The following NSL1 variants were observed in gnomAD, a reference collection of about 807,000 sequenced individuals.
The protein encoded by NSL1 is NSL1 component of MIS12 kinetochore complex, also known as kinetochore-associated protein NSL1 homolog.
A neutral mutation model predicts 25.4 loss-of-function variants in NSL1; 11 were observed. That is an observed-to-expected ratio of 0.43 (90% CI 0.27 to 0.72). The LOEUF (loss-of-function observed/expected upper bound fraction) is 0.72. NSL1 is among the 30% of genes least tolerant of loss of function. The pLI is 0.19. For synonymous variants in NSL1, 118 were observed against 120.6 expected (o/e 0.98, Z 0.14); for missense variants, 330 against 342.7 (o/e 0.96, Z 0.29).
At chr1:212,756,439 T>C (rs1193641190) in intron 4 of NSL1, among the ~76,000 whole-genome samples, 2 of 152,218 alleles carry the variant, frequency 1.3e-5, no homozygotes, top group South Asian at 2.1e-4. Context: ...GACAATGTAA[T>C]ATGTAATTCA....
intron 4 of NSL1, among the ~76,000 whole-genome samples, chr1:212,770,078 A>G (rs1437605355): frequency 6.6e-6 from 1 of 152,152 alleles, no homozygotes; most frequent in Admixed American, 6.5e-5. Context: ...TTAAGTCAAG[A>G]ACAGTAAAAA....
Position 212,787,540 on chromosome 1 carries a change from G to T in NSL1, c.313+19C>A. The T allele has an allele frequency of 1.3e-6, 2 of 1,549,950 alleles. No individual in the cohort carries two copies. The highest frequency in any genetic ancestry group is 1.7e-6 in the Non-Finnish European group (2 of 1,146,096). On this transcript the variant is annotated intron_variant, in intron 2 of 5. Coordinates refer to ENST00000366977, the MANE Select transcript of NSL1 (RefSeq NM_015471.4). ...AAAAATAACCCAGAAATTAATAATGGAAGGAAAAAGTCACATACCCATAAA... is the reference window on the plus strand; with the variant it reads ...AAAAATAACCCAGAAATTAATAATGTAAGGAAAAAGTCACATACCCATAAA...
chr1:212,749,850 C>A (rs1474305380), intron 4 of NSL1, among the ~76,000 whole-genome samples: 2 of 150,890 alleles, frequency 1.3e-5, no homozygotes, highest in African/African-American at 2.4e-5. Context: ...AGGTCCTAGG[C>A]TGAATAATTA....
chr1:212,730,827 C>G lies in NSL1; in HGVS notation c.*7581G>C. ...GATCTGTCCTCAGTTTTTTACCTCT[C>G]CCCTCCCCACACTCACCTTCTAAGT... On this transcript the variant is annotated 3_prime_UTR_variant, in exon 6 of 6. Coordinates refer to ENST00000366977, the MANE Select transcript of NSL1 (RefSeq NM_015471.4). 2.0e-6 allele frequency: 2 copies of G among 985,354 alleles called. No homozygotes were observed. The highest frequency in any genetic ancestry group is 2.4e-6 in the Non-Finnish European group (2 of 829,904). The allele number at this position is 985,354 out of a possible 1,614,324, so 61.0% of individuals were successfully genotyped here.
chr1:212,774,627 C>A (rs1311718399), intron 4 of NSL1, among the ~76,000 whole-genome samples: 2 of 152,164 alleles, frequency 1.3e-5, no homozygotes. Context: ...AATTTAAAAT[C>A]ACAATAAGAT....
rs1435153674 is a variant in NSL1 at position 212,730,728 on chromosome 1, T to TC, written c.*7679_*7680insG. The TC allele has an allele frequency of 4.1e-6, 4 of 985,284 alleles. No individual in the cohort carries two copies. The highest frequency in any genetic ancestry group is 4.8e-6 in the Non-Finnish European group (4 of 829,936). The allele number at this position is 985,284 out of a possible 1,614,324, so 61.0% of individuals were successfully genotyped here. A position where few individuals can be genotyped will look rare whatever the true frequency, so the allele number is the denominator to read the frequency against. ...TTATGTCCTGCAGGGATATGGGAATTAGACTTAGTTCTAGTAGACGTAGTT... is the reference window on the plus strand; with the variant it reads ...TTATGTCCTGCAGGGATATGGGAATTCAGACTTAGTTCTAGTAGACGTAGTT... On this transcript the variant is annotated 3_prime_UTR_variant, in exon 6 of 6. Coordinates refer to ENST00000366977, the MANE Select transcript of NSL1 (RefSeq NM_015471.4).
Position 212,731,734 on chromosome 1 carries a change from TGGTG to T in NSL1, c.*6670_*6673del, listed in dbSNP as rs1658021911. 1.0e-6 allele frequency: 1 copy of T among 985,338 alleles called. No homozygotes were observed. 61.0% of individuals were successfully genotyped at this position (985,338 alleles called of 1,614,324 possible). The stretch of plus-strand genomic sequence containing the variant: ...TTAGACATCCACTGACTTCCAGTTG[TGGTG>T]GGTGAAGATTTCACTCCCCACTGCC... On this transcript the variant is annotated 3_prime_UTR_variant, in exon 6 of 6. Coordinates refer to ENST00000366977, the MANE Select transcript of NSL1 (RefSeq NM_015471.4).
chr1:212,770,938 A>C (rs1013831238), intron 4 of NSL1, among the ~76,000 whole-genome samples: 2 of 152,222 alleles, frequency 1.3e-5, no homozygotes, highest in Non-Finnish European at 2.9e-5. Flanking sequence ...CATCAACAGA[A>C]TGAAGCACAA....
rs146050558 is a variant in NSL1 at position 212,732,390 on chromosome 1, G to A, written c.*6018C>T. The A allele has an allele frequency of 2.2e-3, 1,174 of 522,752 alleles. 16 individuals carry two copies. The highest frequency in any genetic ancestry group is 0.022 in the African/African-American group (1,048 of 46,922). 32.4% of individuals were successfully genotyped at this position (522,752 alleles called of 1,614,324 possible). A position where few individuals can be genotyped will look rare whatever the true frequency, so the allele number is the denominator to read the frequency against. The stretch of plus-strand genomic sequence containing the variant: ...TGCGATGGCGTGATCTTGGCTCACT[G>A]CAACCTCTGCCTCCTGGGTTCAAGC... On this transcript the variant is annotated 3_prime_UTR_variant, in exon 6 of 6. Transcript: ENST00000366977.
At position 212,737,504 on chromosome 1, in the gene NSL1, T is replaced by C. The variant is rs1352752761; in HGVS notation, c.*904A>G. On this transcript the variant is annotated 3_prime_UTR_variant, in exon 6 of 6. Transcript: ENST00000366977. The stretch of plus-strand genomic sequence containing the variant: ...CAATAAGAGCTATAAGAAACTATAG[T>C]TAAATGTTAGAAGTAAAGCCAATAT... 7 of 982,500 alleles carry C rather than the reference T, an allele frequency of 7.1e-6. No individual in the cohort carries two copies. Among genetic ancestry groups the C allele is most frequent in the Non-Finnish European group, 8.5e-6 (7 of 827,356 alleles). The allele number at this position is 982,500 out of a possible 1,614,324, so 60.9% of individuals were successfully genotyped here. A position where few individuals can be genotyped will look rare whatever the true frequency, so the allele number is the denominator to read the frequency against.
chr1:212,756,096 A>G (rs1279867752), intron 4 of NSL1, among the ~76,000 whole-genome samples: 1 of 152,184 alleles, frequency 6.6e-6, no homozygotes, highest in Admixed American at 6.5e-5. Context: ...GAAACCAAAA[A>G]CAAAAAGTAA....
intron 5 of NSL1, 93 bp from the exon 6 acceptor site, chr1:212,738,779 T>C (rs78314391): frequency 2.4e-6 from 2 of 818,270 alleles, no homozygotes; most frequent in Non-Finnish European, 1.9e-6. Context: ...TTTTTTTTTT[T>C]TCTTGAGAAG....
Position 212,735,638 on chromosome 1 carries a change from G to A in NSL1, c.*2770C>T, listed in dbSNP as rs1658204862. On this transcript the variant is annotated 3_prime_UTR_variant, in exon 6 of 6. Coordinates refer to ENST00000366977, the MANE Select transcript of NSL1 (RefSeq NM_015471.4). ...TGCCTATAGCTGTATTTGGAGATGG[G>A]GCCTCTAAGGAAATAATTAAGGTTA... The A allele has an allele frequency of 1.7e-6, 1 of 591,642 alleles. No individual in the cohort carries two copies. Among genetic ancestry groups the A allele is most frequent in the African/African-American group, 2.0e-5 (1 of 49,466 alleles). 36.6% of individuals were successfully genotyped at this position (591,642 alleles called of 1,614,324 possible). A position where few individuals can be genotyped will look rare whatever the true frequency, so the allele number is the denominator to read the frequency against.
chr1:212,766,192 G>A (rs903122080), intron 4 of NSL1: 44 of 624,064 alleles, frequency 7.1e-5, no homozygotes, highest in Non-Finnish European at 1.1e-4. Flanking sequence ...GACTTACCTC[G>A]AAGTAATAAA....
At chr1:212,766,289 G>A in intron 4 of NSL1, 1 of 608,816 alleles carries the variant, frequency 1.6e-6, no homozygotes. Flanking sequence ...ACAAGACAAA[G>A]ATGCCCACTT....
chr1:212,788,069 TG>T (rs1661019477), intron 1 of NSL1, among the ~76,000 whole-genome samples: 1 of 152,196 alleles, frequency 6.6e-6, no homozygotes, highest in Admixed American at 6.5e-5. Flanking sequence ...TTTTGAGAGA[TG>T]AACACTTATG....
rs1657863610 is a variant in NSL1 at position 212,728,151 on chromosome 1, AAG to A, written c.*10255_*10256del. On this transcript the variant is annotated 3_prime_UTR_variant, in exon 6 of 6. Coordinates refer to ENST00000366977, the MANE Select transcript of NSL1 (RefSeq NM_015471.4). ...ATTCATGGATTGTCTTGAGGATTAA[AAG>A]AGATGGTGCATGTGAAGCTTTTAGC... is the stretch of plus-strand genomic sequence containing the variant. The A allele has an allele frequency of 1.1e-6, 1 of 949,256 alleles. No homozygotes were observed. The highest frequency in any genetic ancestry group is 1.3e-6 in the Non-Finnish European group (1 of 797,030). 58.8% of individuals were successfully genotyped at this position (949,256 alleles called of 1,614,324 possible).
chr1:212,791,709 C>T lies in NSL1; in HGVS notation c.55G>A (p.Ala19Thr), dbSNP rs1661292850. The T allele has an allele frequency of 6.2e-7, 1 of 1,613,852 alleles. No individual in the cohort carries two copies. Among genetic ancestry groups the T allele is most frequent in the African/African-American group, 1.3e-5 (1 of 74,944 alleles). The change falls in exon 1 of 6, where the codon GCG (alanine) becomes ACG (threonine). Residue 19 changes from alanine (A) to threonine (T), a missense_variant. Transcript: ENST00000366977. The stretch of plus-strand genomic sequence containing the variant: ...AAGGCCTGGCTCTCTGTGCCAGCCG[C>T]GAGCTCCTTGTCCCATGGAGGGTCA... ...VLDPPWDKEL[A>T]AGTESQALVS...
rs1657833393 is a variant in NSL1, at chr1:212,727,408, CA to C, written c.*10999del. 1.0e-6 allele frequency: 1 copy of C among 985,240 alleles called. No homozygotes were observed. The highest frequency in any genetic ancestry group is 1.7e-5 in the African/African-American group (1 of 57,204). The allele number at this position is 985,240 out of a possible 1,614,324, so 61.0% of individuals were successfully genotyped here. On this transcript the variant is annotated 3_prime_UTR_variant, in exon 6 of 6. Coordinates refer to ENST00000366977, the MANE Select transcript of NSL1 (RefSeq NM_015471.4). ...TAAGTATCAGTCAAGTTAATGTTTC[CA>C]AAATATACTCCTTGTAACAGACATT...
Sources: allele counts gnomAD v4.1 joint callset (sites outside exome capture counted in the v4.1 genomes callset), GRCh38; gene constraint gnomAD v4.1.1; transcripts MANE v1.5; gene names NCBI Gene and HGNC (gene_info 2026-07-23, HGNC 2026-07-21).